ABTB3: variants seen among roughly 807,000 people sequenced by gnomAD.
ABTB3 encodes ankyrin repeat and BTB domain containing 3.
At chr12:107,342,522 C>T in the ABTB3 span, among the ~76,000 whole-genome samples, 7 of 152,130 alleles carry the variant, frequency 4.6e-5, no homozygotes, top group Non-Finnish European at 7.4e-5. Context: ...ACCTTCTTAT[C>T]GGAGCCTCGC....
At chr12:107,401,044 C>T in the ABTB3 span, among the ~76,000 whole-genome samples, 4 of 152,198 alleles carry the variant, frequency 2.6e-5, no homozygotes, top group East Asian at 7.7e-4. Flanking sequence ...TGCAGGACCA[C>T]GTAGTACCAA....
chr12:107,346,504 G>C, the ABTB3 span, among the ~76,000 whole-genome samples: 1 of 152,046 alleles, frequency 6.6e-6, no homozygotes, highest in Non-Finnish European at 1.5e-5. Flanking sequence ...CTGTGACCGA[G>C]GCTGGAGTGC....
chr12:107,377,024 G>A, the ABTB3 span, among the ~76,000 whole-genome samples: 1 of 152,266 alleles, frequency 6.6e-6, no homozygotes, highest in Admixed American at 6.5e-5. Context: ...ACATGGAGAT[G>A]CACTGCTCAG....
chr12:107,547,981 A>C, the ABTB3 span, among the ~76,000 whole-genome samples: 2 of 152,136 alleles, frequency 1.3e-5, no homozygotes, highest in Admixed American at 6.5e-5. Context: ...TTCTTTCTAG[A>C]GGGATCGTTA....
At chr12:107,566,191 C>T in the ABTB3 span, among the ~76,000 whole-genome samples, 1 of 152,158 alleles carries the variant, frequency 6.6e-6, no homozygotes, top group Non-Finnish European at 1.5e-5. Context: ...TTTAATTCTT[C>T]TAGAGATTTC....
At chr12:107,551,863 G>T in the ABTB3 span, among the ~76,000 whole-genome samples, 1 of 151,324 alleles carries the variant, frequency 6.6e-6, no homozygotes. Context: ...AGTGATTCTC[G>T]TGCCTCAGCC....
At chr12:107,395,606 T>C in the ABTB3 span, among the ~76,000 whole-genome samples, 1 of 152,180 alleles carries the variant, frequency 6.6e-6, no homozygotes, top group Admixed American at 6.5e-5. Flanking sequence ...CACCCCCTGC[T>C]CAGGTGAGTG....
At chr12:107,622,280 G>A in the ABTB3 span, among the ~76,000 whole-genome samples, 8 of 152,164 alleles carry the variant, frequency 5.3e-5, no homozygotes, top group African/African-American at 1.9e-4. Flanking sequence ...AGCCTGCAGG[G>A]TGAAGTCACC....
the ABTB3 span, chr12:107,617,557 G>A: frequency 7.3e-7 from 1 of 1,361,884 alleles, no homozygotes; most frequent in Non-Finnish European, 9.8e-7. Context: ...GTGTGAAGTG[G>A]TCCAGGCCCC....
chr12:107,460,193 G>A, the ABTB3 span, among the ~76,000 whole-genome samples: 1 of 152,226 alleles, frequency 6.6e-6, no homozygotes, highest in East Asian at 1.9e-4. Flanking sequence ...TGGTCTTGAG[G>A]GAAAAGGCCT....
chr12:107,539,532 T>C, the ABTB3 span, among the ~76,000 whole-genome samples: 1 of 152,084 alleles, frequency 6.6e-6, no homozygotes, highest in Non-Finnish European at 1.5e-5. Flanking sequence ...ACCCCAGGAA[T>C]GAGCAGCTTT....
At chr12:107,492,976 G>T in the ABTB3 span, among the ~76,000 whole-genome samples, 1 of 151,952 alleles carries the variant, frequency 6.6e-6, no homozygotes, top group East Asian at 1.9e-4. Context: ...AGTAGGTATT[G>T]GTGCTGCTGT....
chr12:107,384,803 C>T, the ABTB3 span, among the ~76,000 whole-genome samples: 2 of 152,114 alleles, frequency 1.3e-5, no homozygotes, highest in East Asian at 1.9e-4. Flanking sequence ...GCAGGAGGCC[C>T]TTGAACCTGC....
the ABTB3 span, among the ~76,000 whole-genome samples, chr12:107,342,134 G>A: frequency 1.3e-5 from 2 of 152,160 alleles, no homozygotes; most frequent in Non-Finnish European, 2.9e-5. Flanking sequence ...ACTTCTTGGT[G>A]ACAGTTCCCT....
At chr12:107,459,440 C>A in the ABTB3 span, among the ~76,000 whole-genome samples, 5,584 of 152,278 alleles carry the variant, frequency 0.037, 137 homozygotes, top group Non-Finnish European at 0.059. Flanking sequence ...CGGACCTTAC[C>A]ATCTACAGAG....
the ABTB3 span, among the ~76,000 whole-genome samples, chr12:107,519,393 G>A: frequency 4.7e-5 from 7 of 147,756 alleles, no homozygotes; most frequent in African/African-American, 1.8e-4. Context: ...CACAATCTCG[G>A]CTCATCACAG....
the ABTB3 span, among the ~76,000 whole-genome samples, chr12:107,489,130 T>G: frequency 9.2e-5 from 14 of 152,202 alleles, no homozygotes; most frequent in Non-Finnish European, 1.9e-4. Flanking sequence ...CTGATAATAG[T>G]GCTGATGAAG....
At chr12:107,551,351 A>G in the ABTB3 span, among the ~76,000 whole-genome samples, 1 of 152,238 alleles carries the variant, frequency 6.6e-6, no homozygotes, top group African/African-American at 2.4e-5. Context: ...AAAAAAATAC[A>G]TGTTGAATTC....
chr12:107,577,473 C>T, the ABTB3 span, among the ~76,000 whole-genome samples: 175 of 152,242 alleles, frequency 1.1e-3, no homozygotes, highest in African/African-American at 4.2e-3. Flanking sequence ...TCAGCCTCAT[C>T]ACCAGCTCTC....
Sources: gnomAD v4.1 joint callset for allele counts (sites outside exome capture counted in the v4.1 genomes callset) on GRCh38, gnomAD v4.1.1 for gene constraint, MANE v1.5 for transcripts, NCBI Gene and HGNC (gene_info 2026-07-23, HGNC 2026-07-21) for gene names.